Variants in SNAP91 observed in about 807,000 individuals in gnomAD.
The protein encoded by SNAP91 is synaptosome associated protein 91, also known as clathrin coat assembly protein AP180.
Under a neutral mutation model 100.3 loss-of-function variants are expected in SNAP91, and 27 were observed. The observed-to-expected ratio is 0.27, with a 90% CI of 0.20 to 0.37. SNAP91 has a LOEUF of 0.37. SNAP91 is among the 10% of genes least tolerant of loss of function. The probability of loss-of-function intolerance (pLI) is 1.00; values close to 1 mark genes in which losing one functional copy is unlikely to be tolerated. For synonymous variants in SNAP91, 404 were observed against 398.6 expected (o/e 1.01, Z -0.16); for missense variants, 986 against 1,123.7 (o/e 0.88, Z 1.75).
chr6:83,675,495 T>C (rs1236541251), intron 2 of SNAP91, among the ~76,000 whole-genome samples: 1 of 152,192 alleles, frequency 6.6e-6, no homozygotes, highest in African/African-American at 2.4e-5. Context: ...AAAAAATATA[T>C]ATACTTTGTA....
intron 2 of SNAP91, among the ~76,000 whole-genome samples, chr6:83,700,107 G>A (rs1029327360): frequency 6.6e-6 from 1 of 152,156 alleles, no homozygotes. Context: ...ATAACAGCAC[G>A]TAAGACAGAA....
chr6:83,661,419 G>A (rs1200675684), intron 5 of SNAP91, 83 bp downstream of exon 5: 1 of 736,622 alleles, frequency 1.4e-6, no homozygotes, highest in Non-Finnish European at 2.2e-6. Flanking sequence ...AAATTAGCTG[G>A]CATTTAAGCT....
chr6:83,675,751 A>G (rs1299094431), intron 2 of SNAP91, among the ~76,000 whole-genome samples: 1 of 151,090 alleles, frequency 6.6e-6, no homozygotes, highest in East Asian at 2.0e-4. Flanking sequence ...TAATAATAGC[A>G]CCTACCTGAC....
At chr6:83,696,722 T>C (rs1047615870) in intron 2 of SNAP91, among the ~76,000 whole-genome samples, 3 of 152,210 alleles carry the variant, frequency 2.0e-5, no homozygotes, top group African/African-American at 7.2e-5. Context: ...GTGCCTCCGC[T>C]GTAGTCTTCA....
chr6:83,649,571 CT>C (rs1232423945), intron 7 of SNAP91, among the ~76,000 whole-genome samples: 7 of 151,984 alleles, frequency 4.6e-5, no homozygotes, highest in Non-Finnish European at 1.0e-4. Context: ...TAGTTCATAC[CT>C]TTTTTGTTTG....
At chr6:83,698,600 G>A (rs1266519795) in intron 2 of SNAP91, among the ~76,000 whole-genome samples, 2 of 152,158 alleles carry the variant, frequency 1.3e-5, no homozygotes, top group Non-Finnish European at 2.9e-5. Flanking sequence ...AGCAAAAGGA[G>A]ACGAGGGAAA....
intron 7 of SNAP91, among the ~76,000 whole-genome samples, chr6:83,650,386 A>C (rs1650829504): frequency 6.6e-6 from 1 of 152,214 alleles, no homozygotes; most frequent in Non-Finnish European, 1.5e-5. Context: ...TGAGAATATT[A>C]GCTATTTAAT....
intron 26 of SNAP91, among the ~76,000 whole-genome samples, chr6:83,571,013 A>G (rs1460366999): frequency 6.6e-6 from 1 of 152,134 alleles, no homozygotes; most frequent in Non-Finnish European, 1.5e-5. Flanking sequence ...GAAAAGCCAC[A>G]GACACTCAAC....
At chr6:83,659,138 CA>C in intron 5 of SNAP91, 46 bp from the exon 6 acceptor site, 5 of 1,373,678 alleles carry the variant, frequency 3.6e-6, no homozygotes, top group Non-Finnish European at 5.0e-6. Flanking sequence ...TGGATATGGA[CA>C]ATTCAAGACC....
chr6:83,708,413 A>G (rs1408220884), intron 1 of SNAP91: 1 of 156,332 alleles, frequency 6.4e-6, no homozygotes, highest in African/African-American at 2.4e-5. Flanking sequence ...AATGCATCGG[A>G]TACCCAAGCC....
At position 83,552,893 on chromosome 6, in the gene SNAP91, T is replaced by C. The variant is rs2071275956; in HGVS notation, c.*1403A>G. ...AAGAGAGAAACGTTATGTTTGCATT[T>C]CTTTGTTCAAGGTGTTTATTGCATC... On this transcript the variant is annotated 3_prime_UTR_variant, in exon 30 of 30. Coordinates refer to ENST00000369694, the MANE Select transcript of SNAP91 (RefSeq NM_001242792.2). The C allele has an allele frequency of 6.6e-6, 1 of 152,640 alleles. No individual in the cohort carries two copies. The highest frequency in any genetic ancestry group is 2.4e-5 in the African/African-American group (1 of 41,462). 9.5% of individuals were successfully genotyped at this position (152,640 alleles called of 1,614,324 possible).
chr6:83,693,104 A>G (rs2099152421), intron 2 of SNAP91, among the ~76,000 whole-genome samples: 1 of 152,180 alleles, frequency 6.6e-6, no homozygotes, highest in East Asian at 1.9e-4. Context: ...CTGTGACACT[A>G]GAGACAGAGA....
Position 83,591,228 on chromosome 6 carries a change from G to A in SNAP91, c.1997C>T (p.Ser666Leu), listed in dbSNP as rs777039637. The change falls in exon 22 of 30, where the codon TCG (serine) becomes TTG (leucine). Residue 666 changes from serine (S) to leucine (L), a missense_variant. Ser to Leu is a moderately radical substitution (Grantham distance 145). Transcript: ENST00000369694. ...ASQAASSSSA[S>L]ADLLAGFGGS... ...TTAATTACCAGCTAGTAGGTCTGCCGATGCTGATGAACTAGAAGCAGCCTG... is the reference window on the plus strand; with the variant it reads ...TTAATTACCAGCTAGTAGGTCTGCCAATGCTGATGAACTAGAAGCAGCCTG... 18 of 1,609,748 alleles carry A rather than the reference G, an allele frequency of 1.1e-5. No individual in the cohort carries two copies. The highest frequency in any genetic ancestry group is 2.7e-5 in the African/African-American group (2 of 74,838).
rs533282482 is a variant in SNAP91 at position 83,613,196 on chromosome 6, C to T, written c.884+1661G>A. On this transcript the variant is annotated intron_variant, in intron 11 of 29. Coordinates refer to ENST00000369694, the MANE Select transcript of SNAP91 (RefSeq NM_001242792.2). ...CTCCTACTGTCTCTGTTGAGATATCCCACTTACCACATTACATCTTAGTTG... is the reference window on the plus strand; with the variant it reads ...CTCCTACTGTCTCTGTTGAGATATCTCACTTACCACATTACATCTTAGTTG... 3.2e-3 allele frequency among the ~76,000 whole-genome samples: 480 copies of T among 152,148 alleles called. 2 individuals carry two copies. The highest frequency in any genetic ancestry group is 5.4e-3 in the Non-Finnish European group (370 of 67,998).
chr6:83,563,661 T>C (rs992567976), intron 26 of SNAP91, among the ~76,000 whole-genome samples: 6 of 152,290 alleles, frequency 3.9e-5, no homozygotes, highest in Admixed American at 3.3e-4. Flanking sequence ...TTCTTCAAAG[T>C]TGCAGGATAC....
chr6:83,623,508 C>T (rs1460155455), intron 8 of SNAP91, among the ~76,000 whole-genome samples, 166 bp from the exon 9 acceptor site: 2 of 151,994 alleles, frequency 1.3e-5, no homozygotes, highest in African/African-American at 4.8e-5. Flanking sequence ...CAGTTTTTCA[C>T]TCAATATAAT....
intron 2 of SNAP91, among the ~76,000 whole-genome samples, chr6:83,696,755 C>A (rs2099218578): frequency 6.6e-6 from 1 of 152,120 alleles, no homozygotes; most frequent in Admixed American, 6.6e-5. Flanking sequence ...AAACTGAATT[C>A]TTTTTGAATC....
In SNAP91 at chr6:83,575,077, C is replaced by T; in HGVS notation, c.2375G>A (p.Gly792Glu). Residue 792 changes from glycine (G) to glutamate (E), a missense_variant, in exon 26 of 30, where the codon GGA becomes GAA. Physicochemically the swap from Gly to Glu is moderately conservative, Grantham distance 98. Coordinates refer to ENST00000369694, the MANE Select transcript of SNAP91 (RefSeq NM_001242792.2). ...WNAGEKKLTG[G>E]ANWQPKVAPA... Reference sequence around the variant, plus strand: ...AGCTACTTTAGGCTGCCAGTTGGCTCCACCAGTCAACTTTTTCTCTCCAGC... The same window carrying T: ...AGCTACTTTAGGCTGCCAGTTGGCTTCACCAGTCAACTTTTTCTCTCCAGC... 1 of 1,607,514 alleles carries T rather than the reference C, an allele frequency of 6.2e-7. No homozygotes were observed. The highest frequency in any genetic ancestry group is 8.5e-7 in the Non-Finnish European group (1 of 1,176,774).
At chr6:83,679,809 A>C (rs1414265901) in intron 2 of SNAP91, among the ~76,000 whole-genome samples, 1 of 152,194 alleles carries the variant, frequency 6.6e-6, no homozygotes, top group Non-Finnish European at 1.5e-5. Context: ...TACCTGGAGA[A>C]CTTAAATATT....
Sources: gnomAD v4.1 joint callset for allele counts (sites outside exome capture counted in the v4.1 genomes callset) on GRCh38, gnomAD v4.1.1 for gene constraint, MANE v1.5 for transcripts, NCBI Gene and HGNC (gene_info 2026-07-23, HGNC 2026-07-21) for gene names.